The following SPTBN4 variants were observed in gnomAD, a reference collection of about 807,000 sequenced individuals.
SPTBN4 encodes spectrin beta chain, non-erythrocytic 4.
Under a neutral mutation model 277.8 loss-of-function variants are expected in SPTBN4, and 96 were observed. That is an observed-to-expected ratio of 0.35 (90% CI 0.29 to 0.41). The LOEUF (loss-of-function observed/expected upper bound fraction) is 0.41. Among genes scored for constraint, SPTBN4 ranks in the 10% least tolerant of loss-of-function variants. The pLI is 1.00. For missense variants in SPTBN4, 3,006 were observed against 3,595.7 expected (o/e 0.84, Z 4.19); for synonymous variants, 1,481 against 1,580.3 (o/e 0.94, Z 1.49).
intron 7 of SPTBN4, among the ~76,000 whole-genome samples, chr19:40,500,868 A>AGAAAG (rs141689236): frequency 3.5e-4 from 53 of 152,030 alleles, no homozygotes; most frequent in Middle Eastern, 3.4e-3. Flanking sequence ...GAAAAAGAAA[A>AGAAAG]GAAAGGAAAG....
intron 20 of SPTBN4, among the ~76,000 whole-genome samples, chr19:40,541,278 G>A (rs970842951): frequency 6.6e-6 from 1 of 152,212 alleles, no homozygotes; most frequent in Admixed American, 6.5e-5. Flanking sequence ...GTTCAAGGGA[G>A]GGGCTGAAGC....
Position 40,471,886 on chromosome 19 carries a change from G to A in SPTBN4, c.-15-721G>A, listed in dbSNP as rs939130871. On this transcript the variant is annotated intron_variant, in intron 1 of 35. Transcript: ENST00000598249. ...CCTGAGTAGCTGGGATTACAGGCAC[G>A]TTGCCACCACATCCAGCTATTTTTT... Among the ~76,000 whole-genome samples the A allele has an allele frequency of 4.8e-5, 7 of 145,266 alleles. No homozygotes were observed. The South Asian group carries it at 1.1e-3, about 23-fold the overall frequency.
At chr19:40,514,292 G>A (rs751476675) in intron 14 of SPTBN4, among the ~76,000 whole-genome samples, 5 of 152,240 alleles carry the variant, frequency 3.3e-5, no homozygotes, top group Non-Finnish European at 7.3e-5. Flanking sequence ...CAGTTGCCCA[G>A]TTCTTTGAAA....
At chr19:40,531,746 G>C (rs1289222378) in intron 18 of SPTBN4, among the ~76,000 whole-genome samples, 1 of 151,924 alleles carries the variant, frequency 6.6e-6, no homozygotes, top group Non-Finnish European at 1.5e-5. Context: ...GTGGGTAGGA[G>C]GACTAGAACT....
In SPTBN4 at chr19:40,534,130, G is replaced by A. The variant is rs1420822382; in HGVS notation, c.4146G>A (p.Arg1382=). ...QEKPELAASV[R]KKLGEIRQCW... ...AGCCCGAACTGGCGGCCTCCGTGCGGAAGAAGCTGGGCGAGATCCGCCAGT... is the reference window on the plus strand; with the variant it reads ...AGCCCGAACTGGCGGCCTCCGTGCGAAAGAAGCTGGGCGAGATCCGCCAGT... Residue 1382 remains arginine, a synonymous_variant, in exon 20 of 36, where the codon CGG becomes CGA. Transcript: ENST00000598249. 1.2e-6 allele frequency: 2 copies of A among 1,611,786 alleles called. No homozygotes were observed. The highest frequency in any genetic ancestry group is 1.7e-6 in the Non-Finnish European group (2 of 1,178,652).
intron 15 of SPTBN4, among the ~76,000 whole-genome samples, chr19:40,517,220 T>C (rs767603385): frequency 2.6e-5 from 4 of 151,852 alleles, no homozygotes; most frequent in Non-Finnish European, 5.9e-5. Context: ...GGCCCAAGGT[T>C]ACACAGCAAG....
chr19:40,554,174 G>A lies in SPTBN4; in HGVS notation c.4702G>A (p.Gly1568Arg). ...QGLRREIQAH[G>R]PRLEEVLERA... is the part of the protein sequence containing the mutation. ...CCTGCGGCGGGAGATCCAGGCGCAT[G>A]GGCCGCGCCTGGAGGAGGTGCTGGA... Residue 1568 changes from glycine to arginine, a missense_variant, in exon 23 of 36, where the codon GGG becomes AGG. This residue lies in a region of SPTBN4 where 1,759 missense variants were observed against 2,061.5 expected (regional missense o/e 0.85). Coordinates refer to ENST00000598249, the MANE Select transcript of SPTBN4 (RefSeq NM_020971.3). This position sits in a 1 kb window ranked among gnomAD's most constrained non-coding sequence, Gnocchi z 5.7. 2 of 1,448,624 alleles carry A rather than the reference G, an allele frequency of 1.4e-6. No homozygotes were observed. Among genetic ancestry groups the A allele is most frequent in the African/African-American group, 1.5e-5 (1 of 67,162 alleles). The allele number at this position is 1,448,624 out of a possible 1,614,324, so 89.7% of individuals were successfully genotyped here. A position where few individuals can be genotyped will look rare whatever the true frequency, so the allele number is the denominator to read the frequency against.
At chr19:40,570,820 A>C in intron 33 of SPTBN4, 92 bp downstream of exon 33, 5 of 1,330,044 alleles carry the variant, frequency 3.8e-6, no homozygotes, top group East Asian at 3.1e-5. Context: ...GTGTGGCTCA[A>C]CTTCAGGCCC....
Position 40,519,769 on chromosome 19 carries a change from A to G in SPTBN4, c.3272A>G (p.Gln1091Arg). Residue 1091 changes from glutamine to arginine, a missense_variant, in exon 16 of 36, where the codon CAG becomes CGG. By Grantham distance (43) the Gln-to-Arg change is conservative (BLOSUM62 1). This residue lies in a region of SPTBN4 where 1,759 missense variants were observed against 2,061.5 expected (regional missense o/e 0.85). Coordinates refer to ENST00000598249, the MANE Select transcript of SPTBN4 (RefSeq NM_020971.3). This position sits in a 1 kb window ranked among gnomAD's most constrained non-coding sequence, Gnocchi z 5.7. ...GEAVAAAGRLQRFLHDLDAFL... is the reference protein window; with the variant it reads ...GEAVAAAGRLRRFLHDLDAFL... ...GCGGTGGCGGCAGCAGGGCGCCTGC[A>G]GCGCTTCCTACATGACCTCGACGCT... 2.1e-6 allele frequency: 3 copies of G among 1,411,428 alleles called. No individual in the cohort carries two copies. Among genetic ancestry groups the G allele is most frequent in the South Asian group, 1.6e-5 (1 of 64,426 alleles). The allele number at this position is 1,411,428 out of a possible 1,614,324, so 87.4% of individuals were successfully genotyped here.
intron 5 of SPTBN4, 37 bp downstream of exon 5, chr19:40,493,091 A>G: frequency 1.3e-6 from 2 of 1,593,496 alleles, no homozygotes; most frequent in Non-Finnish European, 1.7e-6. Flanking sequence ...GAGGTTAGGC[A>G]AGTGGTCCCC....
chr19:40,567,363 G>C (rs886764817), intron 30 of SPTBN4, among the ~76,000 whole-genome samples: 1 of 151,910 alleles, frequency 6.6e-6, no homozygotes, highest in African/African-American at 2.4e-5. Context: ...AGTCCTGGGT[G>C]GGGGGACATT....
In SPTBN4 at chr19:40,489,236, G is replaced by GAAAGAAAGA. The variant is rs1376540676; in HGVS notation, c.322-836_322-835insGAAAGAAAA. Among the ~76,000 whole-genome samples the GAAAGAAAGA allele has an allele frequency of 2.9e-3, 418 of 145,694 alleles. 1 individual carries two copies. The highest frequency in any genetic ancestry group is 9.9e-3 in the African/African-American group (389 of 39,348). On this transcript the variant is annotated intron_variant, in intron 3 of 35. Coordinates refer to ENST00000598249, the MANE Select transcript of SPTBN4 (RefSeq NM_020971.3). ...AAAGCCAAAAAAAAAAAAAAAGAAA[G>GAAAGAAAGA]AAAAAAAAGAATAGATAGGAACCAA... is the stretch of plus-strand genomic sequence containing the variant.
intron 1 of SPTBN4, among the ~76,000 whole-genome samples, chr19:40,469,472 C>T (rs1397289041): frequency 6.6e-6 from 1 of 151,718 alleles, no homozygotes; most frequent in Non-Finnish European, 1.5e-5. Context: ...ACCATGTTGG[C>T]CAGGCTGGTC....
intron 30 of SPTBN4, chr19:40,566,970 C>T: frequency 1.4e-5 from 4 of 288,398 alleles, no homozygotes; most frequent in Admixed American, 4.4e-5. Flanking sequence ...ACAACAACAA[C>T]AATAAAAAAA....
rs117832697 is a variant in SPTBN4 at position 40,570,065 on chromosome 19, G to A, written c.7026+339G>A. ...ACAGACTCTTCCCACATCTGTCCTG[G>A]ACTCCGTATTTCTTCAGCTCAGTGG... is the stretch of plus-strand genomic sequence containing the variant. On this transcript the variant is annotated intron_variant, in intron 32 of 35. Coordinates refer to ENST00000598249, the MANE Select transcript of SPTBN4 (RefSeq NM_020971.3). Among the ~76,000 whole-genome samples the A allele has an allele frequency of 7.2e-3, 1,087 of 150,218 alleles. 8 individuals are homozygous for A. The highest frequency in any genetic ancestry group is 0.017 in the Middle Eastern group (5 of 290).
chr19:40,560,592 G>T lies in SPTBN4; in HGVS notation c.5915+189G>T, dbSNP rs2081033002. On this transcript the variant is annotated intron_variant, in intron 27 of 35. Transcript: ENST00000598249. The surrounding 1 kb of genome is among the most constrained non-coding windows in gnomAD (Gnocchi z 5.2). ...CCCCTTTTTTAGGCCTGTCATTGGG[G>T]ACTTCGGTCATGGGGCATCCTTCTG... 1.9e-5 allele frequency: 28 copies of T among 1,457,128 alleles called. No homozygotes were observed. In the South Asian group the frequency reaches 2.8e-4, roughly 15 times the overall value. 90.3% of individuals were successfully genotyped at this position (1,457,128 alleles called of 1,614,324 possible).
In SPTBN4 at chr19:40,473,196, G is replaced by A. The variant is rs555227198; in HGVS notation, c.169+406G>A. ...TGACTAGCTGGGACTACAGGTGCCC[G>A]CCACCACACCCGGCTAATTCTTTTT... On this transcript the variant is annotated intron_variant, in intron 2 of 35. Transcript: ENST00000598249. Among the ~76,000 whole-genome samples the A allele has an allele frequency of 2.0e-5, 3 of 152,042 alleles. No homozygotes were observed. In the East Asian group the frequency reaches 5.8e-4, roughly 29 times the overall value.
Position 40,519,534 on chromosome 19 carries a change from G to C in SPTBN4, c.3037G>C (p.Ala1013Pro). 2 of 1,588,572 alleles carry C rather than the reference G, an allele frequency of 1.3e-6. No individual in the cohort carries two copies. The highest frequency in any genetic ancestry group is 1.7e-6 in the Non-Finnish European group (2 of 1,170,562). The change falls in exon 16 of 36, where the codon GCG (alanine) becomes CCG (proline). Residue 1013 changes from alanine to proline, a missense_variant. Physicochemically the swap from Ala to Pro is conservative, Grantham distance 27. Transcript: ENST00000598249. This position sits in a 1 kb window ranked among gnomAD's most constrained non-coding sequence, Gnocchi z 5.7. ...TGAGAAGCGGAGAGCTGTGGAGAGC[G>C]CGCCCCGGGCCGGCGGCGCCCTGCA... ...VREKRRAVESAPRAGGALQWR... is the reference protein window; with the variant it reads ...VREKRRAVESPPRAGGALQWR...
At position 40,470,682 on chromosome 19, in the gene SPTBN4, G is replaced by T. The variant is rs148968456; in HGVS notation, c.-15-1925G>T. On this transcript the variant is annotated intron_variant, in intron 1 of 35. Coordinates refer to ENST00000598249, the MANE Select transcript of SPTBN4 (RefSeq NM_020971.3). ...GAGTCTTACTCTGTCGCCCAGGATAGAGTGCAGTGGCACAATCTCAGCTCA... is the reference window on the plus strand; with the variant it reads ...GAGTCTTACTCTGTCGCCCAGGATATAGTGCAGTGGCACAATCTCAGCTCA... Among the ~76,000 whole-genome samples, 1,252 of 151,170 alleles carry T rather than the reference G, an allele frequency of 8.3e-3. 9 individuals carry two copies. Among genetic ancestry groups the T allele is most frequent in the Middle Eastern group, 0.017 (5 of 286 alleles).
Sources: allele counts gnomAD v4.1 joint callset (sites outside exome capture counted in the v4.1 genomes callset), GRCh38; gene constraint gnomAD v4.1.1; regional missense constraint gnomAD v4.1.1; non-coding constraint Gnocchi (gnomAD v3.1); transcripts MANE v1.5; gene names NCBI Gene and HGNC (gene_info 2026-07-23, HGNC 2026-07-21).